Variants in RBM20 observed in about 807,000 individuals in gnomAD.
RBM20 encodes RNA-binding protein 20.
In RBM20, 51 loss-of-function variants were observed where a neutral mutation model predicts 110.1. That is an observed-to-expected ratio of 0.46 (90% CI 0.37 to 0.59). RBM20 has a LOEUF of 0.59. Ranked by LOEUF, RBM20 falls within the 20% of genes least tolerant of loss-of-function variation. The pLI is 0.00. For missense variants in RBM20, 1,512 were observed against 1,574.9 expected (o/e 0.96, Z 0.68); for synonymous variants, 589 against 618.2 (o/e 0.95, Z 0.70).
chr10:110,670,754 G>C (rs192665405), intron 1 of RBM20, among the ~76,000 whole-genome samples: 64 of 152,246 alleles, frequency 4.2e-4, no homozygotes, highest in African/African-American at 1.5e-3. Context: ...ATGTACTTCA[G>C]TTTCTCCAAA....
chr10:110,656,533 G>A lies in RBM20; in HGVS notation c.191+11888G>A, dbSNP rs544965972. On this transcript the variant is annotated intron_variant, in intron 1 of 13. Coordinates refer to ENST00000369519, the MANE Select transcript of RBM20 (RefSeq NM_001134363.3). ...TGCATAATTTAGTGACATCAAGTAC[G>A]TTCACAGTGTTATGCAACCATCACC... Among the ~76,000 whole-genome samples, 12 of 152,052 alleles carry A rather than the reference G, an allele frequency of 7.9e-5. No individual in the cohort carries two copies. In the South Asian group the frequency reaches 1.5e-3, roughly 18 times the overall value.
chr10:110,740,544 G>A (rs1056501252), intron 1 of RBM20, among the ~76,000 whole-genome samples: 2 of 151,974 alleles, frequency 1.3e-5, no homozygotes, highest in African/African-American at 4.8e-5. Flanking sequence ...ACTGGGTTAT[G>A]GACCCACCAG....
intron 5 of RBM20, among the ~76,000 whole-genome samples, chr10:110,793,555 G>A (rs938783627): frequency 6.6e-6 from 1 of 152,204 alleles, no homozygotes; most frequent in Admixed American, 6.5e-5. Flanking sequence ...TGCACCACGT[G>A]GGCAGGCAGC....
At chr10:110,765,580 A>G (rs1468298685) in intron 1 of RBM20, among the ~76,000 whole-genome samples, 1 of 152,184 alleles carries the variant, frequency 6.6e-6, no homozygotes, top group Non-Finnish European at 1.5e-5. Flanking sequence ...AAATTTGGAC[A>G]TGGACATGAT....
chr10:110,698,382 C>T (rs1015103245), intron 1 of RBM20, among the ~76,000 whole-genome samples: 5 of 152,192 alleles, frequency 3.3e-5, no homozygotes, highest in Admixed American at 6.5e-5. Context: ...TGATGGCGGC[C>T]CCTGGGGAGG....
intron 1 of RBM20, among the ~76,000 whole-genome samples, chr10:110,676,429 A>C (rs906785588): frequency 2.0e-5 from 3 of 152,248 alleles, no homozygotes; most frequent in Admixed American, 6.5e-5. Flanking sequence ...TTTAGACAAC[A>C]TGCATAAAAG....
At position 110,835,928 on chromosome 10, in the gene RBM20, AG is replaced by A. The variant is rs1320431111; in HGVS notation, c.3636del (p.Arg1212SerfsTer36). 6 of 1,487,096 alleles carry A rather than the reference AG, an allele frequency of 4.0e-6. No homozygotes were observed. The highest frequency in any genetic ancestry group is 5.5e-6 in the Non-Finnish European group (6 of 1,088,978). 92.1% of individuals were successfully genotyped at this position (1,487,096 alleles called of 1,614,324 possible). On this transcript the variant is annotated frameshift_variant, in exon 14 of 14. Coordinates refer to ENST00000369519, the MANE Select transcript of RBM20 (RefSeq NM_001134363.3). LOFTEE classifies it high-confidence loss of function. ...LKETEGADSP[R>X]PEDSGIVPRF... ...GGAGACCGAGGGGGCAGATAGCCCG[AG>A]GCCAGAGGACAGCGGAATCGTGCCA...
intron 1 of RBM20, among the ~76,000 whole-genome samples, chr10:110,703,713 C>T (rs1288729559): frequency 2.6e-5 from 4 of 152,236 alleles, no homozygotes; most frequent in Non-Finnish European, 4.4e-5. Flanking sequence ...GGATCTCTTG[C>T]TTTGCCTTTT....
chr10:110,687,042 G>GAAAAAAAA (rs566369908), intron 1 of RBM20, among the ~76,000 whole-genome samples: 1 of 114,978 alleles, frequency 8.7e-6, no homozygotes, highest in Non-Finnish European at 1.9e-5. Context: ...GTCTCAAAAA[G>GAAAAAAAA]AAAAAAAAAA....
At chr10:110,784,976 G>A (rs1408735737) in intron 5 of RBM20, 87 bp downstream of exon 5, 6 of 837,638 alleles carry the variant, frequency 7.2e-6, no homozygotes, top group African/African-American at 1.7e-5. Context: ...AGCCAGGCTG[G>A]AATGCAATGG....
chr10:110,833,164 G>A (rs1379899233), intron 13 of RBM20, among the ~76,000 whole-genome samples: 1 of 151,772 alleles, frequency 6.6e-6, no homozygotes, highest in Non-Finnish European at 1.5e-5. Flanking sequence ...ACCGAGGCGG[G>A]TGGATCACGA....
At chr10:110,765,638 C>T (rs1844069976) in intron 1 of RBM20, among the ~76,000 whole-genome samples, 1 of 152,150 alleles carries the variant, frequency 6.6e-6, no homozygotes, top group South Asian at 2.1e-4. Context: ...CACCTCATTT[C>T]TCTATCTGAT....
chr10:110,656,704 A>G (rs1862030870), intron 1 of RBM20, among the ~76,000 whole-genome samples: 1 of 152,206 alleles, frequency 6.6e-6, no homozygotes, highest in Non-Finnish European at 1.5e-5. Flanking sequence ...GAGATTTCAT[A>G]TAAATGGGAT....
At position 110,820,172 on chromosome 10, in the gene RBM20, A is replaced by G; in HGVS notation, c.2651A>G (p.Lys884Arg). 6.5e-7 allele frequency: 1 copy of G among 1,549,432 alleles called. No individual in the cohort carries two copies. Among genetic ancestry groups the G allele is most frequent in the Non-Finnish European group, 8.7e-7 (1 of 1,144,960 alleles). Residue 884 changes from lysine to arginine, a missense_variant, in exon 10 of 14, where the codon AAG (lysine) becomes AGG (arginine). Lys to Arg is a conservative substitution (Grantham distance 26). Coordinates refer to ENST00000369519, the MANE Select transcript of RBM20 (RefSeq NM_001134363.3). ...EFSDPENTRTKKEQDWESESE... is the reference protein window; with the variant it reads ...EFSDPENTRTRKEQDWESESE... ...TCTGATCCGGAAAACACAAGGACAA[A>G]GAAGGTAAAGTTTGTTTCAGATTCT...
At chr10:110,720,748 A>G (rs756364166) in intron 1 of RBM20, among the ~76,000 whole-genome samples, 4 of 142,800 alleles carry the variant, frequency 2.8e-5, no homozygotes, top group Admixed American at 2.8e-4. Context: ...TGCCCATCCC[A>G]CCCTGCCCCT....
At position 110,726,582 on chromosome 10, in the gene RBM20, G is replaced by T. The variant is rs555643704; in HGVS notation, c.192-54219G>T. ...ACTCAGTGTCTTTGTCTGTGAGGTG[G>T]GACTAACACCCGCTTCTTTGGTTTT... On this transcript the variant is annotated intron_variant, in intron 1 of 13. Coordinates refer to ENST00000369519, the MANE Select transcript of RBM20 (RefSeq NM_001134363.3). Among the ~76,000 whole-genome samples the T allele has an allele frequency of 2.0e-5, 3 of 152,224 alleles. No homozygotes were observed. The East Asian group carries it at 5.8e-4, about 29-fold the overall frequency.
intron 1 of RBM20, among the ~76,000 whole-genome samples, chr10:110,730,939 A>G (rs1843614760): frequency 6.6e-6 from 1 of 152,224 alleles, no homozygotes; most frequent in African/African-American, 2.4e-5. Context: ...TAGAGCGTGC[A>G]CACAGCACCA....
In RBM20 at chr10:110,729,133, C is replaced by T. The variant is rs139331224; in HGVS notation, c.192-51668C>T. Among the ~76,000 whole-genome samples, 180 of 152,242 alleles carry T rather than the reference C, an allele frequency of 1.2e-3. 2 individuals are homozygous for T. The highest frequency in any genetic ancestry group is 4.3e-3 in the African/African-American group (177 of 41,526). On this transcript the variant is annotated intron_variant, in intron 1 of 13. Coordinates refer to ENST00000369519, the MANE Select transcript of RBM20 (RefSeq NM_001134363.3). Reference sequence around the variant, plus strand: ...CGTTCTGCTAGGTGTATAAGAAATTCAGAATGAGAAAGTATCTTGAATACA... The same window carrying T: ...CGTTCTGCTAGGTGTATAAGAAATTTAGAATGAGAAAGTATCTTGAATACA...
At chr10:110,728,629 G>A (rs563994241) in intron 1 of RBM20, among the ~76,000 whole-genome samples, 30 of 152,116 alleles carry the variant, frequency 2.0e-4, no homozygotes, top group Non-Finnish European at 3.7e-4. Flanking sequence ...GTTATTATCA[G>A]GGTGTGTTTT....
Sources: gnomAD v4.1 joint callset for allele counts (sites outside exome capture counted in the v4.1 genomes callset) on GRCh38, gnomAD v4.1.1 for gene constraint, MANE v1.5 for transcripts, NCBI Gene and HGNC (gene_info 2026-07-23, HGNC 2026-07-21) for gene names.